TAMM41: variants seen among roughly 807,000 people sequenced by gnomAD.
The protein encoded by TAMM41 is TAM41 mitochondrial translocator assembly and maintenance homolog.
In TAMM41, 36 loss-of-function variants were observed where a neutral mutation model predicts 44.1. The ratio of observed to expected loss-of-function variants is 0.82; its 90% CI spans 0.63 to 1.08. The LOEUF (loss-of-function observed/expected upper bound fraction) is 1.08. Among genes scored for constraint, TAMM41 ranks in the 50% least tolerant of loss-of-function variants. The pLI is 0.00. For synonymous variants in TAMM41, 164 were observed against 153.1 expected, an observed-to-expected ratio of 1.07 and a Z score of -0.53; for missense variants, 417 against 404.3, an observed-to-expected ratio of 1.03 and a Z score of -0.27.
the TAMM41 span, among the ~76,000 whole-genome samples, chr3:11,766,963 T>C: frequency 1.3e-5 from 2 of 152,198 alleles, no homozygotes; most frequent in Non-Finnish European, 2.9e-5. Flanking sequence ...CATGTAACCT[T>C]TACCCAGTTC....
chr3:11,743,853 C>A, the TAMM41 span, among the ~76,000 whole-genome samples: 15 of 152,096 alleles, frequency 9.9e-5, no homozygotes, highest in Non-Finnish European at 1.3e-4. Context: ...TTACCTGCCT[C>A]CCTCATGGAA....
the TAMM41 span, among the ~76,000 whole-genome samples, chr3:11,782,702 A>G: frequency 6.6e-6 from 1 of 152,226 alleles, no homozygotes; most frequent in South Asian, 2.1e-4. Flanking sequence ...CCACTAGTTC[A>G]AAGTACTTTC....
At chr3:11,816,599 A>C (rs1269329842) in intron 5 of TAMM41, among the ~76,000 whole-genome samples, 1 of 152,110 alleles carries the variant, frequency 6.6e-6, no homozygotes, top group Non-Finnish European at 1.5e-5. Flanking sequence ...CCCTGTCTCT[A>C]CAAAAAAAAT....
intron 7 of TAMM41, among the ~76,000 whole-genome samples, chr3:11,797,600 T>C (rs2077636446): frequency 6.6e-6 from 1 of 152,116 alleles, no homozygotes. Context: ...CTGACAAAGA[T>C]GCCAAAAGCA....
intron 4 of TAMM41, 85 bp from the exon 5 acceptor site, chr3:11,817,422 C>T (rs2078329247): frequency 7.3e-7 from 1 of 1,379,276 alleles, no homozygotes; most frequent in African/African-American, 1.4e-5. Context: ...ACTGATACCG[C>T]ACGGGTTCAC....
chr3:11,725,505 C>A, the TAMM41 span, among the ~76,000 whole-genome samples: 8 of 150,772 alleles, frequency 5.3e-5, no homozygotes, highest in African/African-American at 2.0e-4. Context: ...GTGGTACAAT[C>A]TCAGCTCACT....
chr3:11,798,098 A>G (rs1361176953), intron 7 of TAMM41, among the ~76,000 whole-genome samples: 2 of 152,216 alleles, frequency 1.3e-5, no homozygotes, highest in Non-Finnish European at 2.9e-5. Context: ...CCGATTCCTC[A>G]AAAACCTAAA....
chr3:11,777,953 C>T, the TAMM41 span, among the ~76,000 whole-genome samples: 4 of 152,142 alleles, frequency 2.6e-5, no homozygotes, highest in African/African-American at 9.7e-5. Context: ...CGGCCCTCAG[C>T]AGCCACAAAT....
the TAMM41 span, among the ~76,000 whole-genome samples, chr3:11,784,963 T>C: frequency 6.6e-6 from 1 of 151,770 alleles, no homozygotes; most frequent in African/African-American, 2.4e-5. Flanking sequence ...CCACCACCCC[T>C]GGCTAATTTG....
At chr3:11,750,025 T>G in the TAMM41 span, among the ~76,000 whole-genome samples, 1 of 150,890 alleles carries the variant, frequency 6.6e-6, no homozygotes, top group Non-Finnish European at 1.5e-5. Flanking sequence ...GCCTCCCGAG[T>G]AGCTGGGACT....
chr3:11,732,993 T>G, the TAMM41 span, among the ~76,000 whole-genome samples: 2 of 105,078 alleles, frequency 1.9e-5, no homozygotes, highest in Non-Finnish European at 4.4e-5. Context: ...ATTTGAGTTT[T>G]TTTTTTGTTT....
At chr3:11,753,606 G>A in the TAMM41 span, among the ~76,000 whole-genome samples, 20 of 150,948 alleles carry the variant, frequency 1.3e-4, no homozygotes, top group East Asian at 1.8e-3. Flanking sequence ...GCGTGGTGGC[G>A]GGCGCCTGTA....
At chr3:11,723,213 G>A in the TAMM41 span, among the ~76,000 whole-genome samples, 3 of 152,068 alleles carry the variant, frequency 2.0e-5, no homozygotes, top group Non-Finnish European at 4.4e-5. Flanking sequence ...CATGGGATTG[G>A]ATGGGAGAAA....
chr3:11,785,472 C>T (rs1049358856), downstream of TAMM41, among the ~76,000 whole-genome samples: 1 of 152,010 alleles, frequency 6.6e-6, no homozygotes, highest in Non-Finnish European at 1.5e-5. Context: ...ACTACAGGCA[C>T]CCCCTACCAT....
intron 7 of TAMM41, among the ~76,000 whole-genome samples, chr3:11,792,587 C>T (rs1260665363): frequency 6.6e-6 from 1 of 152,118 alleles, no homozygotes; most frequent in Admixed American, 6.5e-5. Flanking sequence ...ACCAACAGAT[C>T]AGAATGAAGA....
chr3:11,787,936 GAA>G (rs2077426373), downstream of TAMM41, among the ~76,000 whole-genome samples: 1 of 152,164 alleles, frequency 6.6e-6, no homozygotes, highest in South Asian at 2.1e-4. Flanking sequence ...GCTTTTTGAT[GAA>G]TCACCTTAGA....
intron 1 of TAMM41, among the ~76,000 whole-genome samples, chr3:11,845,805 G>A (rs2079656889): frequency 6.6e-6 from 1 of 152,130 alleles, no homozygotes; most frequent in Non-Finnish European, 1.5e-5. Context: ...AAATTACAAG[G>A]AAAACTGTAC....
chr3:11,783,309 G>C, the TAMM41 span, among the ~76,000 whole-genome samples: 1 of 152,132 alleles, frequency 6.6e-6, no homozygotes, highest in South Asian at 2.1e-4. Context: ...TCAACCATCA[G>C]CTCCAAACAT....
the TAMM41 span, among the ~76,000 whole-genome samples, chr3:11,743,277 A>C: frequency 6.6e-6 from 1 of 151,162 alleles, no homozygotes; most frequent in Non-Finnish European, 1.5e-5. Context: ...TTCTGGTCCC[A>C]TGGTCCTCCA....
Sources: gnomAD v4.1 joint callset for allele counts (sites outside exome capture counted in the v4.1 genomes callset) on GRCh38, gnomAD v4.1.1 for gene constraint, MANE v1.5 for transcripts, NCBI Gene and HGNC (gene_info 2026-07-23, HGNC 2026-07-21) for gene names.